Variants in FGF13 observed in about 807,000 individuals in gnomAD.
FGF13 encodes fibroblast growth factor 13.
FGF13 carries 2 observed loss-of-function variants against 19.5 expected under a neutral mutation model. The ratio of observed to expected loss-of-function variants is 0.10; its 90% CI spans 0.04 to 0.32. FGF13 has a LOEUF of 0.32. FGF13 is among the 10% of genes least tolerant of loss of function. FGF13 has a pLI of 1.00. For synonymous variants in FGF13, 72 were observed against 76.9 expected (o/e 0.94, Z 0.33); for missense variants, 113 against 192.7 (o/e 0.59, Z 2.45).
intron 3 of FGF13, among the ~76,000 whole-genome samples, chrX:138,752,432 G>GA (rs1397160565): frequency 3.4e-4 from 37 of 108,635 alleles, no homozygotes; most frequent in Middle Eastern, 4.7e-3. Flanking sequence ...TCTCAAAAAA[G>GA]AAAAAAAAAT....
rs5976183 is a variant in FGF13 at position 138,646,377 on chromosome X, C to T, written c.403-10722G>A. 4.2e-3 allele frequency among the ~76,000 whole-genome samples: 464 copies of T among 111,447 alleles called. 5 individuals carry two copies. The highest frequency in any genetic ancestry group is 0.015 in the African/African-American group (446 of 30,645). ...TCTAGAGGAAGCTGGAATCTGTTTACGGTAGCTGGTACTGGCATGTGATAT... is the reference window on the plus strand; with the variant it reads ...TCTAGAGGAAGCTGGAATCTGTTTATGGTAGCTGGTACTGGCATGTGATAT... On this transcript the variant is annotated intron_variant, in intron 3 of 4. Transcript: ENST00000315930.
intron 1 of FGF13, among the ~76,000 whole-genome samples, chrX:139,123,201 C>T (rs56908893): frequency 0.01 from 1,164 of 111,846 alleles, 16 homozygotes; most frequent in African/African-American, 0.036. Flanking sequence ...AGTTTATTCT[C>T]AAAAGAACAT....
chrX:139,163,170 A>G (rs1276417802), intron 1 of FGF13, among the ~76,000 whole-genome samples: 1 of 112,356 alleles, frequency 8.9e-6, no homozygotes, highest in African/African-American at 3.2e-5. Context: ...AGACTGGATA[A>G]AGAAAATGTG....
intron 3 of FGF13, among the ~76,000 whole-genome samples, chrX:138,839,967 C>G (rs1019601817): frequency 8.9e-6 from 1 of 111,796 alleles, no homozygotes; most frequent in Non-Finnish European, 1.9e-5. Flanking sequence ...GCATTTCTAT[C>G]GAGATTATAG....
intron 1 of FGF13, among the ~76,000 whole-genome samples, chrX:138,890,700 G>C (rs907399097): frequency 9.0e-6 from 1 of 111,687 alleles, no homozygotes; most frequent in African/African-American, 3.3e-5. Flanking sequence ...AATGCTTTCA[G>C]TACCCTTACC....
chrX:139,193,907 A>G (rs2084352009), intron 1 of FGF13, among the ~76,000 whole-genome samples: 1 of 111,979 alleles, frequency 8.9e-6, no homozygotes, highest in African/African-American at 3.2e-5. Flanking sequence ...CTATTTACAT[A>G]TGTGCATAGT....
At chrX:139,078,815 T>C (rs2124439546) in intron 1 of FGF13, among the ~76,000 whole-genome samples, 1 of 112,897 alleles carries the variant, frequency 8.9e-6, no homozygotes, top group African/African-American at 3.2e-5. Flanking sequence ...ATATACCCGC[T>C]AACGTTTAAA....
intron 1 of FGF13, among the ~76,000 whole-genome samples, chrX:138,928,936 A>C (rs974128919): frequency 8.9e-6 from 1 of 111,954 alleles, no homozygotes; most frequent in East Asian, 2.8e-4. Flanking sequence ...TGTTTACCAA[A>C]CACATGTGTT....
intron 1 of FGF13, among the ~76,000 whole-genome samples, chrX:138,973,286 C>A (rs2091926205): frequency 9.0e-6 from 1 of 111,712 alleles, no homozygotes; most frequent in Non-Finnish European, 1.9e-5. Context: ...TGTTTAATTT[C>A]TATGTATTTG....
chrX:138,957,159 C>T (rs900723069), intron 1 of FGF13, among the ~76,000 whole-genome samples: 2 of 111,662 alleles, frequency 1.8e-5, no homozygotes, highest in African/African-American at 6.5e-5. Context: ...TCATCAAAAG[C>T]CACACACAGT....
chrX:138,975,600 T>C (rs765510442), intron 1 of FGF13, among the ~76,000 whole-genome samples: 2 of 110,518 alleles, frequency 1.8e-5, no homozygotes, highest in Non-Finnish European at 3.8e-5. Flanking sequence ...TTGGAGTAGA[T>C]AGGATTTGAA....
At chrX:138,646,414 C>T (rs1043652485) in intron 3 of FGF13, among the ~76,000 whole-genome samples, 4 of 111,468 alleles carry the variant, frequency 3.6e-5, no homozygotes, top group East Asian at 5.6e-4. Context: ...TCTGGGGCTG[C>T]AAGACACTGA....
Position 139,101,239 on chromosome X carries a change from C to T in FGF13, c.-113+102177G>A, listed in dbSNP as rs76998141. 6.8e-3 allele frequency among the ~76,000 whole-genome samples: 767 copies of T among 112,239 alleles called. 4 individuals are homozygous for T. The highest frequency in any genetic ancestry group is 0.035 in the East Asian group (123 of 3,524). ...AGGCCATACTCTCCTCAAAGCCATT[C>T]TGGCAAAAAGCCAATAGTCTACTAT... On this transcript the variant is annotated intron_variant, in intron 1 of 2. Transcript: ENST00000421460.
chrX:138,852,593 A>G (rs940142026), downstream of FGF13, among the ~76,000 whole-genome samples: 3 of 111,965 alleles, frequency 2.7e-5, no homozygotes, highest in African/African-American at 6.5e-5. Flanking sequence ...ACCCAAAACT[A>G]CAAAAACCCT....
intron 1 of FGF13, among the ~76,000 whole-genome samples, chrX:138,913,646 AAG>A: frequency 8.2e-5 from 1 of 12,180 alleles, no homozygotes; most frequent in Non-Finnish European, 2.4e-4. Context: ...TGGAGGAAGG[AAG>A]GAAGGAAGGA....
At position 139,038,098 on chromosome X, in the gene FGF13, G is replaced by A. The variant is rs142772161; in HGVS notation, c.-113+165318C>T. ...CCAGATCCCTTGGTTCTGGACTACAGATTGATAGCAGTTATGTTCCTCTAC... is the reference window on the plus strand; with the variant it reads ...CCAGATCCCTTGGTTCTGGACTACAAATTGATAGCAGTTATGTTCCTCTAC... On this transcript the variant is annotated intron_variant, in intron 1 of 2. Transcript: ENST00000421460. Among the ~76,000 whole-genome samples the A allele has an allele frequency of 8.3e-3, 925 of 110,897 alleles. 9 individuals are homozygous for A. Among genetic ancestry groups the A allele is most frequent in the African/African-American group, 0.029 (884 of 30,462 alleles).
chrX:138,655,867 T>C (rs2089431551), intron 3 of FGF13, among the ~76,000 whole-genome samples: 1 of 112,009 alleles, frequency 8.9e-6, no homozygotes. Context: ...CCCTATGGTT[T>C]CAGAGGGTAA....
chrX:138,678,765 A>G (rs752999057), intron 3 of FGF13, among the ~76,000 whole-genome samples: 1 of 112,198 alleles, frequency 8.9e-6, no homozygotes, highest in African/African-American at 3.2e-5. Flanking sequence ...TGAACAAAGT[A>G]CCCTCAACCA....
intron 3 of FGF13, among the ~76,000 whole-genome samples, chrX:138,776,785 G>C (rs772258288): frequency 2.7e-5 from 3 of 111,206 alleles, no homozygotes. Context: ...TTGGGACCTC[G>C]CTCTGTTGAC....
Sources: gnomAD v4.1 joint callset for allele counts (sites outside exome capture counted in the v4.1 genomes callset) on GRCh38, gnomAD v4.1.1 for gene constraint, MANE v1.5 for transcripts, NCBI Gene and HGNC (gene_info 2026-07-23, HGNC 2026-07-21) for gene names.